Variants in CORIN observed in about 807,000 individuals in gnomAD.
The protein encoded by CORIN is corin, serine peptidase, also known as atrial natriuretic peptide-converting enzyme.
Under a neutral mutation model 125.3 loss-of-function variants are expected in CORIN, and 117 were observed. That is an observed-to-expected ratio of 0.93 (90% CI 0.80 to 1.09). The LOEUF (loss-of-function observed/expected upper bound fraction) is 1.09. Ranked by LOEUF, CORIN falls within the 50% of genes least tolerant of loss-of-function variation. The pLI is 0.00. For missense variants in CORIN, 1,253 were observed against 1,306.7 expected (o/e 0.96, Z 0.63); for synonymous variants, 450 against 466.4 (o/e 0.96, Z 0.45).
intron 5 of CORIN, among the ~76,000 whole-genome samples, chr4:47,733,868 A>T (rs1727999221): frequency 6.6e-6 from 1 of 152,216 alleles, no homozygotes; most frequent in Admixed American, 6.5e-5. Flanking sequence ...ATACCTTAGG[A>T]GTTATGACTG....
intron 1 of CORIN, among the ~76,000 whole-genome samples, chr4:47,816,150 A>G (rs1266218496): frequency 2.0e-5 from 3 of 152,230 alleles, no homozygotes; most frequent in African/African-American, 7.2e-5. Flanking sequence ...AAAGTAAAAC[A>G]TAAACAGATG....
chr4:47,738,597 A>T (rs1487826166), intron 5 of CORIN, among the ~76,000 whole-genome samples: 2 of 152,238 alleles, frequency 1.3e-5, no homozygotes, highest in Non-Finnish European at 2.9e-5. Flanking sequence ...GAAGAATTCA[A>T]CTTGCAGAGT....
intron 13 of CORIN, among the ~76,000 whole-genome samples, chr4:47,650,166 A>G (rs1723676578): frequency 6.6e-6 from 1 of 152,190 alleles, no homozygotes; most frequent in Non-Finnish European, 1.5e-5. Context: ...GTTTTATTTT[A>G]TTTAAGATCA....
intron 19 of CORIN, among the ~76,000 whole-genome samples, chr4:47,623,346 A>G (rs1177117128): frequency 6.6e-6 from 1 of 152,144 alleles, no homozygotes; most frequent in Non-Finnish European, 1.5e-5. Flanking sequence ...CTCTCTTAGG[A>G]CAAAAATTGG....
chr4:47,648,097 G>C (rs1343557165), intron 13 of CORIN, among the ~76,000 whole-genome samples: 1 of 152,176 alleles, frequency 6.6e-6, no homozygotes, highest in Admixed American at 6.5e-5. Flanking sequence ...ATGGGAGATA[G>C]TATTATTTTA....
intron 19 of CORIN, among the ~76,000 whole-genome samples, chr4:47,623,117 T>TATATATATATATATATAC (rs141525347): frequency 3.0e-5 from 4 of 134,552 alleles, no homozygotes; most frequent in South Asian, 2.4e-4. Flanking sequence ...TATATATATA[T>TATATATATATATATATAC]ACACACACAC....
chr4:47,643,373 C>T (rs1323354131), intron 14 of CORIN, 117 bp from the exon 15 acceptor site: 2 of 872,266 alleles, frequency 2.3e-6, no homozygotes, highest in African/African-American at 3.4e-5. Flanking sequence ...TATGTGATCA[C>T]TGAGGCTTCC....
At chr4:47,604,226 G>T (rs1721560034) in intron 19 of CORIN, among the ~76,000 whole-genome samples, 1 of 152,132 alleles carries the variant, frequency 6.6e-6, no homozygotes, top group African/African-American at 2.4e-5. Flanking sequence ...TCCAGGTCTT[G>T]CCATGCTCCA....
Position 47,680,250 on chromosome 4 carries a change from A to G in CORIN, c.1023T>C (p.Asp341=). ...CGDLSDEQNC[D]CNPTTEHRCG... is the part of the protein sequence containing the mutation. ...AGCGATGCTCTGTTGTGGGATTGCA[A>G]TCTGGAGAAATGAAAACTCACGAGG... is the stretch of plus-strand genomic sequence containing the variant. The change falls in exon 8 of 22, where the codon GAT becomes GAC. Residue 341 remains aspartate, a splice_region_variant and synonymous_variant. Coordinates refer to ENST00000273857, the MANE Select transcript of CORIN (RefSeq NM_006587.4). 3 of 1,611,934 alleles carry G rather than the reference A, an allele frequency of 1.9e-6. No individual in the cohort carries two copies. The highest frequency in any genetic ancestry group is 2.5e-6 in the Non-Finnish European group (3 of 1,178,234).
intron 4 of CORIN, among the ~76,000 whole-genome samples, chr4:47,756,660 A>C (rs890020231): frequency 6.6e-6 from 1 of 152,216 alleles, no homozygotes; most frequent in Non-Finnish European, 1.5e-5. Context: ...TTTTTTTATA[A>C]AATTGCTCTA....
At chr4:47,822,091 T>C (rs546641858) in intron 1 of CORIN, among the ~76,000 whole-genome samples, 22 of 152,324 alleles carry the variant, frequency 1.4e-4, no homozygotes, top group African/African-American at 4.6e-4. Context: ...TGACTACAAA[T>C]AAAGTTTGTC....
intron 16 of CORIN, among the ~76,000 whole-genome samples, chr4:47,635,375 G>T (rs1264447424): frequency 1.3e-5 from 2 of 152,198 alleles, no homozygotes; most frequent in Non-Finnish European, 2.9e-5. Context: ...ATGTGATAGA[G>T]TTACATGCTG....
intron 1 of CORIN, among the ~76,000 whole-genome samples, chr4:47,825,376 T>A (rs141745597): frequency 6.6e-6 from 1 of 152,280 alleles, no homozygotes; most frequent in East Asian, 1.9e-4. Flanking sequence ...CTAATTAGCA[T>A]CACCTGGGAC....
At chr4:47,823,575 T>C (rs1048674756) in intron 1 of CORIN, among the ~76,000 whole-genome samples, 3 of 152,232 alleles carry the variant, frequency 2.0e-5, no homozygotes, top group African/African-American at 7.2e-5. Context: ...TCTGTATTTA[T>C]TTCTATATCT....
intron 4 of CORIN, among the ~76,000 whole-genome samples, chr4:47,757,839 G>T: frequency 7.1e-6 from 1 of 140,348 alleles, no homozygotes; most frequent in Non-Finnish European, 1.5e-5. Flanking sequence ...TCAGGAGAAT[G>T]ATTGAAATGA....
chr4:47,743,564 T>C (rs1728509697), intron 5 of CORIN, among the ~76,000 whole-genome samples: 1 of 152,212 alleles, frequency 6.6e-6, no homozygotes, highest in Admixed American at 6.5e-5. Flanking sequence ...ACTTTTTTGT[T>C]GAATAAATAT....
chr4:47,691,534 G>A (rs959368262), intron 6 of CORIN, among the ~76,000 whole-genome samples: 1 of 152,106 alleles, frequency 6.6e-6, no homozygotes, highest in Non-Finnish European at 1.5e-5. Flanking sequence ...GAAGTTCCAC[G>A]GGATGCTAGA....
intron 5 of CORIN, among the ~76,000 whole-genome samples, chr4:47,696,195 CCATAAATAT>C (rs1217963054): frequency 6.6e-6 from 1 of 152,156 alleles, no homozygotes; most frequent in African/African-American, 2.4e-5. Flanking sequence ...GATTTTTCTA[CCATAAATAT>C]CACTGTCTTA....
intron 2 of CORIN, among the ~76,000 whole-genome samples, chr4:47,805,150 A>T (rs1028527129): frequency 3.0e-5 from 4 of 134,136 alleles, no homozygotes; most frequent in Non-Finnish European, 6.5e-5. Flanking sequence ...AAAAAAAAAA[A>T]TAATAATAAT....
Sources: allele counts gnomAD v4.1 joint callset (sites outside exome capture counted in the v4.1 genomes callset), GRCh38; gene constraint gnomAD v4.1.1; transcripts MANE v1.5; gene names NCBI Gene and HGNC (gene_info 2026-07-23, HGNC 2026-07-21).